The following NSD2 variants were observed in gnomAD, a reference collection of about 807,000 sequenced individuals.
NSD2 encodes the protein nuclear receptor binding SET domain protein 2.
Under a neutral mutation model 139.0 loss-of-function variants are expected in NSD2, and 12 were observed. The observed-to-expected ratio is 0.09, with a 90% CI of 0.06 to 0.14. The LOEUF is 0.14. NSD2 is among the 10% of genes least tolerant of loss of function. The pLI, the probability that NSD2 is intolerant of heterozygous loss-of-function variation, is 1.00. For missense variants in NSD2, 1,155 were observed against 1,745.0 expected, an observed-to-expected ratio of 0.66 and a Z score of 6.02; for synonymous variants, 669 against 648.7, an observed-to-expected ratio of 1.03 and a Z score of -0.48.
At chr4:1,951,527 G>A (rs1301301307) in intron 10 of NSD2, among the ~76,000 whole-genome samples, 2 of 139,202 alleles carry the variant, frequency 1.4e-5, no homozygotes, top group Admixed American at 7.2e-5. Context: ...CACACACAAA[G>A]TTCCTGTTGG....
intron 9 of NSD2, chr4:1,943,222 G>T: frequency 9.6e-7 from 1 of 1,041,640 alleles, no homozygotes; most frequent in Non-Finnish European, 1.2e-6. Context: ...AAAGCAGAAG[G>T]TGTGCTATTC....
At chr4:1,965,074 A>AAAAAAAAAC (rs1725749194) in intron 18 of NSD2, among the ~76,000 whole-genome samples, 1 of 149,692 alleles carries the variant, frequency 6.7e-6, no homozygotes, top group African/African-American at 2.4e-5. Flanking sequence ...AAAAAAAAAA[A>AAAAAAAAAC]AGCCTACAAA....
chr4:1,977,814 CAAAA>C (rs1727261482), intron 21 of NSD2, among the ~76,000 whole-genome samples: 2 of 139,214 alleles, frequency 1.4e-5, no homozygotes, highest in African/African-American at 2.7e-5. Context: ...ACCAAACAAA[CAAAA>C]AACAAAACTA....
intron 1 of NSD2, 139 bp from the exon 2 acceptor site, chr4:1,900,487 C>T (rs1485909876): frequency 3.1e-5 from 16 of 510,888 alleles, no homozygotes; most frequent in Non-Finnish European, 4.9e-5. Flanking sequence ...CCTTCTGTGA[C>T]CTGAATTATT....
intron 7 of NSD2, among the ~76,000 whole-genome samples, chr4:1,935,871 A>G (rs1007924401): frequency 1.3e-5 from 2 of 151,974 alleles, no homozygotes; most frequent in East Asian, 3.9e-4. Flanking sequence ...AAAAAAAAAC[A>G]AACAAAAAAA....
intron 1 of NSD2, among the ~76,000 whole-genome samples, chr4:1,882,488 C>A (rs371341605): frequency 5.9e-5 from 9 of 152,212 alleles, no homozygotes; most frequent in East Asian, 1.9e-4. Flanking sequence ...ACGGTGAAAC[C>A]CCGTCTCTAC....
intron 3 of NSD2, among the ~76,000 whole-genome samples, chr4:1,915,413 C>T (rs1305056481): frequency 3.9e-5 from 6 of 152,200 alleles, no homozygotes; most frequent in Non-Finnish European, 8.8e-5. Flanking sequence ...TGCACCCGGC[C>T]TGAATTTTAT....
chr4:1,923,396 G>A (rs565893569), intron 5 of NSD2, among the ~76,000 whole-genome samples: 2 of 151,982 alleles, frequency 1.3e-5, no homozygotes, highest in South Asian at 2.1e-4. Context: ...GTAAAGAGCC[G>A]AAACAATTCT....
chr4:1,911,587 C>CAAAAAAAAAAAAAAAAAAAAAAAAAA (rs372660600), intron 3 of NSD2, among the ~76,000 whole-genome samples: 3 of 42,070 alleles, frequency 7.1e-5, no homozygotes, highest in Middle Eastern at 0.018. Flanking sequence ...GACGCCATCT[C>CAAAAAAAAAAAAAAAAAAAAAAAAAA]AAAAAAAAAA....
chr4:1,946,548 C>T lies in NSD2; in HGVS notation c.1882-4524C>T, dbSNP rs547435697. The T allele has an allele frequency of 1.1e-5, 11 of 1,014,716 alleles. No homozygotes were observed. The East Asian group carries it at 2.0e-4, about 19-fold the overall frequency. 62.9% of individuals were successfully genotyped at this position (1,014,716 alleles called of 1,614,324 possible). On this transcript the variant is annotated intron_variant, in intron 9 of 21. Transcript: ENST00000508803. The stretch of plus-strand genomic sequence containing the variant: ...CCTCCCAAAATGCTGGGATTACAGG[C>T]GTAAGCCACTGCACCTGGCGGGGTC...
chr4:1,898,965 T>C (rs1716800040), intron 1 of NSD2, among the ~76,000 whole-genome samples: 1 of 152,234 alleles, frequency 6.6e-6, no homozygotes, highest in Admixed American at 6.5e-5. Flanking sequence ...TTTTGGTTGC[T>C]CTCAGTTCCT....
chr4:1,947,787 A>G (rs1723789295), intron 9 of NSD2: 2 of 1,048,332 alleles, frequency 1.9e-6, no homozygotes, highest in African/African-American at 3.3e-5. Flanking sequence ...TTATTGTTCA[A>G]GGTCTGTAAT....
chr4:1,883,019 G>A (rs989945365), intron 1 of NSD2, among the ~76,000 whole-genome samples: 1 of 152,092 alleles, frequency 6.6e-6, no homozygotes, highest in African/African-American at 2.4e-5. Context: ...TTGTGGGTGT[G>A]GAGAAAAGTG....
chr4:1,950,572 G>C (rs900815318), intron 9 of NSD2, among the ~76,000 whole-genome samples: 1 of 152,200 alleles, frequency 6.6e-6, no homozygotes, highest in Non-Finnish European at 1.5e-5. Flanking sequence ...CTGAAAGGAC[G>C]CATGGTCTCC....
intron 4 of NSD2, among the ~76,000 whole-genome samples, chr4:1,917,581 T>G (rs1173236293): frequency 6.6e-6 from 1 of 151,462 alleles, no homozygotes. Context: ...GAATTACAGG[T>G]GCCTGCCACC....
intron 1 of NSD2, among the ~76,000 whole-genome samples, chr4:1,886,632 C>T (rs1160378398): frequency 6.6e-6 from 1 of 152,062 alleles, no homozygotes; most frequent in Non-Finnish European, 1.5e-5. Context: ...GAGATCAAGA[C>T]CATCCTAGCC....
At position 1,976,697 on chromosome 4, in the gene NSD2, C is replaced by A. The variant is rs747643470; in HGVS notation, c.3826+18C>A. ...GCCCTTCGGTGGGTGTGCAGCCTCG[C>A]GGTGGCTTGCAGCTGTGTCTGTGTG... is the stretch of plus-strand genomic sequence containing the variant. On this transcript the variant is annotated intron_variant, in intron 21 of 21. Coordinates refer to ENST00000508803, the MANE Select transcript of NSD2 (RefSeq NM_001042424.3). The surrounding 1 kb of genome is among the most constrained non-coding windows in gnomAD (Gnocchi z 5.3). 3.2e-6 allele frequency: 5 copies of A among 1,550,822 alleles called. No individual in the cohort carries two copies. Among genetic ancestry groups the A allele is most frequent in the Admixed American group, 3.9e-5 (2 of 51,364 alleles).
At position 1,973,851 on chromosome 4, in the gene NSD2, G is replaced by C. The variant is rs1217867533; in HGVS notation, c.3373-1012G>C. 6.6e-6 allele frequency among the ~76,000 whole-genome samples: 1 copy of C among 152,198 alleles called. No individual in the cohort carries two copies. Among genetic ancestry groups the C allele is most frequent in the Non-Finnish European group, 1.5e-5 (1 of 68,032 alleles). ...ATGTGGCCTTTTGATTTCTCCCCAC[G>C]CGGTTGTGCGGTGGATCTGGCGGCT... is the stretch of plus-strand genomic sequence containing the variant. On this transcript the variant is annotated intron_variant, in intron 18 of 21. Coordinates refer to ENST00000508803, the MANE Select transcript of NSD2 (RefSeq NM_001042424.3). The surrounding 1 kb of genome is among the most constrained non-coding windows in gnomAD (Gnocchi z 5.5).
At position 1,935,165 on chromosome 4, in the gene NSD2, G is replaced by A. The variant is rs1158851983; in HGVS notation, c.1577G>A (p.Arg526Lys). The A allele has an allele frequency of 1.2e-6, 2 of 1,611,158 alleles. No individual in the cohort carries two copies. The highest frequency in any genetic ancestry group is 1.7e-6 in the Non-Finnish European group (2 of 1,178,602). ...EDSGNVNGKKRNHTKRIQDPT... is the reference protein window; with the variant it reads ...EDSGNVNGKKKNHTKRIQDPT... Reference sequence around the variant, plus strand: ...CAAGGTAATGTAAATGGGAAAAAAAGAAACCACACAAAGAGGATACAGGAC... The same window carrying A: ...CAAGGTAATGTAAATGGGAAAAAAAAAAACCACACAAAGAGGATACAGGAC... Residue 526 changes from arginine to lysine, a missense_variant, in exon 7 of 22, where the codon AGA becomes AAA. Coordinates refer to ENST00000508803, the MANE Select transcript of NSD2 (RefSeq NM_001042424.3).
Sources: gnomAD v4.1 joint callset for allele counts (sites outside exome capture counted in the v4.1 genomes callset) on GRCh38, gnomAD v4.1.1 for gene constraint, Gnocchi (gnomAD v3.1) non-coding constraint, MANE v1.5 for transcripts, NCBI Gene and HGNC (gene_info 2026-07-23, HGNC 2026-07-21) for gene names.